The following SNX29 variants were observed in gnomAD, a reference collection of about 807,000 sequenced individuals.
SNX29 encodes sorting nexin-29.
SNX29 carries 78 observed loss-of-function variants against 102.1 expected under a neutral mutation model. That is an observed-to-expected ratio of 0.76 (90% CI 0.64 to 0.92). SNX29 has a LOEUF of 0.92. Ranked by LOEUF, SNX29 falls within the 40% of genes least tolerant of loss-of-function variation. The pLI is 0.00. For synonymous variants in SNX29, 580 were observed against 414.5 expected, an observed-to-expected ratio of 1.40 and a Z score of -4.85; for missense variants, 1,280 against 1,061.7, an observed-to-expected ratio of 1.21 and a Z score of -2.86.
intron 18 of SNX29, among the ~76,000 whole-genome samples, 163 bp downstream of exon 18, chr16:12,403,692 C>T (rs1292838450): frequency 6.6e-6 from 1 of 152,192 alleles, no homozygotes; most frequent in African/African-American, 2.4e-5. Context: ...CCGAAGAAGT[C>T]TGTGGCTTTC....
intron 18 of SNX29, among the ~76,000 whole-genome samples, chr16:12,459,818 C>A (rs1373403027): frequency 3.3e-5 from 5 of 152,092 alleles, no homozygotes; most frequent in Non-Finnish European, 7.4e-5. Context: ...TTTTGAGATA[C>A]CCTTGTACCC....
chr16:12,364,947 T>G (rs1353282407), intron 16 of SNX29, among the ~76,000 whole-genome samples: 1 of 152,190 alleles, frequency 6.6e-6, no homozygotes, highest in Non-Finnish European at 1.5e-5. Flanking sequence ...GGCAGAGCTT[T>G]GCTGTGTGTT....
At chr16:12,519,984 G>A (rs1031961056) in intron 19 of SNX29, among the ~76,000 whole-genome samples, 17 of 151,684 alleles carry the variant, frequency 1.1e-4, no homozygotes, top group African/African-American at 2.9e-4. Context: ...ACTCTGTCCC[G>A]CCTGCAAAAA....
rs148724372 is a variant in SNX29, at chr16:12,434,977, T to TGG, written c.2037+31455_2037+31456dup. Among the ~76,000 whole-genome samples, 386 of 52,708 alleles carry TGG rather than the reference T, an allele frequency of 7.3e-3. 3 individuals are homozygous for TGG. The highest frequency in any genetic ancestry group is 0.018 in the African/African-American group (358 of 19,784). The allele number at this position is 52,708 out of a possible 152,430, so 34.6% of individuals were successfully genotyped here. On this transcript the variant is annotated intron_variant, in intron 18 of 20. Coordinates refer to ENST00000566228, the MANE Select transcript of SNX29 (RefSeq NM_032167.5). ...GTGTCAGTCCTGTTATGGGGGGCGGTGGGGGGGGTTTGGTCATCTCTTCAT... is the reference window on the plus strand; with the variant it reads ...GTGTCAGTCCTGTTATGGGGGGCGGTGGGGGGGGGGTTTGGTCATCTCTTCAT...
At chr16:12,418,272 C>T (rs960064042) in intron 18 of SNX29, among the ~76,000 whole-genome samples, 8 of 152,180 alleles carry the variant, frequency 5.3e-5, no homozygotes, top group South Asian at 2.1e-4. Context: ...CGTTTGCTAG[C>T]GTCCTTCCTC....
chr16:12,232,022 G>A (rs751218295), intron 14 of SNX29, among the ~76,000 whole-genome samples: 17 of 152,216 alleles, frequency 1.1e-4, no homozygotes, highest in Non-Finnish European at 1.9e-4. Context: ...TAATGGATTC[G>A]TAAGTTCTCA....
At chr16:12,566,212 A>G (rs1246708243) in intron 20 of SNX29, among the ~76,000 whole-genome samples, 1 of 152,234 alleles carries the variant, frequency 6.6e-6, no homozygotes, top group Non-Finnish European at 1.5e-5. Context: ...GTACTAGGAT[A>G]TGCTTATGGT....
intron 19 of SNX29, among the ~76,000 whole-genome samples, chr16:12,483,114 GTTTTTTTTT>G (rs574090459): frequency 0.089 from 5,859 of 66,164 alleles, 347 homozygotes; most frequent in East Asian, 0.21. Context: ...AAGTTATTAA[GTTTTTTTTT>G]TTTTTTTTTT....
intron 20 of SNX29, chr16:12,527,016 A>G (rs2076802596): frequency 2.5e-6 from 1 of 400,450 alleles, no homozygotes; most frequent in Non-Finnish European, 4.7e-6. Flanking sequence ...TCAGTGGGAG[A>G]CTGTGGCAAA....
chr16:12,524,686 T>G lies in SNX29; in HGVS notation c.2179-16T>G, dbSNP rs2090230048. The G allele has an allele frequency of 6.2e-7, 1 of 1,611,366 alleles. No homozygotes were observed. The highest frequency in any genetic ancestry group is 1.3e-5 in the African/African-American group (1 of 74,486). ...AGGAAGACGTACCAAAGCGAAGATG[T>G]TTTGTGTTTCCTCAGGATGCCAAGT... On this transcript the variant is annotated splice_polypyrimidine_tract_variant and intron_variant, in intron 19 of 20. Transcript: ENST00000566228.
intron 19 of SNX29, among the ~76,000 whole-genome samples, chr16:12,478,420 G>C (rs1567605664): frequency 6.6e-6 from 1 of 152,162 alleles, no homozygotes; most frequent in Non-Finnish European, 1.5e-5. Flanking sequence ...TTGTTATATG[G>C]TTATTCACCT....
intron 20 of SNX29, among the ~76,000 whole-genome samples, chr16:12,537,894 A>G (rs909157763): frequency 1.3e-5 from 2 of 151,694 alleles, no homozygotes; most frequent in African/African-American, 2.4e-5. Context: ...CTAAGGCAGG[A>G]GAGTCACTGG....
chr16:12,530,742 G>C (rs2076909668), intron 20 of SNX29, among the ~76,000 whole-genome samples: 1 of 152,122 alleles, frequency 6.6e-6, no homozygotes, highest in African/African-American at 2.4e-5. Context: ...TTTTAGTAGA[G>C]ACGGGGTTTC....
intron 4 of SNX29, among the ~76,000 whole-genome samples, chr16:12,038,522 G>A (rs1395972314): frequency 6.6e-6 from 1 of 152,192 alleles, no homozygotes; most frequent in African/African-American, 2.4e-5. Flanking sequence ...AAGCAGATCA[G>A]TGTATATCCC....
chr16:12,231,717 T>A (rs915778624), intron 14 of SNX29, among the ~76,000 whole-genome samples: 1 of 152,144 alleles, frequency 6.6e-6, no homozygotes, highest in African/African-American at 2.4e-5. Context: ...GGTTTCCATA[T>A]TGCTCCCCAG....
chr16:12,405,971 GC>G (rs1383999723), intron 18 of SNX29, among the ~76,000 whole-genome samples: 1 of 152,110 alleles, frequency 6.6e-6, no homozygotes, highest in African/African-American at 2.4e-5. Context: ...GGCAGAGATT[GC>G]AGTGAGCCGA....
At chr16:12,332,137 CATT>C (rs1284304760) in intron 15 of SNX29, among the ~76,000 whole-genome samples, 1 of 152,086 alleles carries the variant, frequency 6.6e-6, no homozygotes, top group African/African-American at 2.4e-5. Flanking sequence ...CTGTTATTAA[CATT>C]ATTACTATTA....
intron 20 of SNX29, among the ~76,000 whole-genome samples, chr16:12,554,409 C>G (rs2561039): frequency 0.044 from 6,628 of 152,270 alleles, 289 homozygotes; most frequent in East Asian, 0.19. Context: ...GCATCGTCTT[C>G]TGTAATGTCA....
At chr16:12,230,410 A>G (rs563146533) in intron 14 of SNX29, among the ~76,000 whole-genome samples, 121 of 152,368 alleles carry the variant, frequency 7.9e-4, no homozygotes, top group African/African-American at 2.7e-3. Flanking sequence ...TACTGAGGAA[A>G]GATGCCTTGG....
Sources: gnomAD v4.1 joint callset for allele counts (sites outside exome capture counted in the v4.1 genomes callset) on GRCh38, gnomAD v4.1.1 for gene constraint, MANE v1.5 for transcripts, NCBI Gene and HGNC (gene_info 2026-07-23, HGNC 2026-07-21) for gene names.